Variants in CHST6 observed in about 807,000 individuals in gnomAD.
CHST6 encodes the protein carbohydrate sulfotransferase 6.
For synonymous variants in CHST6, 309 were observed against 276.4 expected, an observed-to-expected ratio of 1.12 and a Z score of -1.17; for missense variants, 698 against 586.2, an observed-to-expected ratio of 1.19 and a Z score of -1.97.
At chr16:75,488,475 GAA>G (rs1384982763) in intron 1 of CHST6, among the ~76,000 whole-genome samples, 11 of 86,484 alleles carry the variant, frequency 1.3e-4, no homozygotes, top group Admixed American at 1.3e-4. Flanking sequence ...GTCACAAGGA[GAA>G]AAAAAAAAAA....
chr16:75,479,544 C>T lies in CHST6; in HGVS notation c.285G>A (p.Leu95=). The T allele has an allele frequency of 1.2e-6, 2 of 1,613,022 alleles. No individual in the cohort carries two copies. The highest frequency in any genetic ancestry group is 1.7e-6 in the Non-Finnish European group (2 of 1,179,874). The part of the protein sequence containing the change: ...AATLHMAVRD[L]VRSVFLCDMD... ...TGTCGCACAGGAAGACGGAGCGCAC[C>T]AGGTCGCGCACAGCCATGTGCAGCG... Residue 95 remains leucine, a synonymous_variant, in exon 3 of 3, where the codon CTG becomes CTA. Coordinates refer to ENST00000332272, the MANE Select transcript of CHST6 (RefSeq NM_021615.5).
chr16:75,482,569 A>G (rs755762678), intron 1 of CHST6, among the ~76,000 whole-genome samples: 4 of 152,254 alleles, frequency 2.6e-5, no homozygotes, highest in Admixed American at 6.5e-5. Flanking sequence ...AATGTCACAC[A>G]TGTCTCACAG....
intron 1 of CHST6, among the ~76,000 whole-genome samples, chr16:75,492,958 G>C (rs2080271746): frequency 1.3e-5 from 2 of 152,128 alleles, no homozygotes; most frequent in Admixed American, 1.3e-4. Context: ...AGATACCCTA[G>C]AGGTAATCAG....
At chr16:75,485,868 A>G (rs1182353751) in intron 1 of CHST6, among the ~76,000 whole-genome samples, 1 of 152,168 alleles carries the variant, frequency 6.6e-6, no homozygotes, top group African/African-American at 2.4e-5. Context: ...CGGGAGGGTC[A>G]TGCTGGTCCT....
At chr16:75,494,172 T>G (rs998001521) in intron 1 of CHST6, among the ~76,000 whole-genome samples, 5 of 152,142 alleles carry the variant, frequency 3.3e-5, no homozygotes, top group African/African-American at 4.8e-5. Context: ...GAAGCCGGAT[T>G]GGGTTCAAAT....
At chr16:75,490,452 T>C (rs11860163) in intron 1 of CHST6, among the ~76,000 whole-genome samples, 11,616 of 152,096 alleles carry the variant, frequency 0.076, 1,496 homozygotes, top group African/African-American at 0.27. Context: ...CACTCCAGCC[T>C]GGGCAACAAG....
intron 1 of CHST6, among the ~76,000 whole-genome samples, chr16:75,489,662 G>C (rs2080236366): frequency 6.6e-6 from 1 of 151,986 alleles, no homozygotes; most frequent in African/African-American, 2.4e-5. Context: ...TCACAGATGG[G>C]AGAAAACAGT....
At chr16:75,483,112 T>C (rs943169203) in intron 1 of CHST6, among the ~76,000 whole-genome samples, 8 of 152,202 alleles carry the variant, frequency 5.3e-5, no homozygotes, top group Non-Finnish European at 8.8e-5. Context: ...GGCACGATGA[T>C]GTCAATTTTT....
intron 1 of CHST6, among the ~76,000 whole-genome samples, chr16:75,488,650 G>A (rs900408402): frequency 6.6e-6 from 1 of 151,886 alleles, no homozygotes; most frequent in Non-Finnish European, 1.5e-5. Flanking sequence ...GAAGAGAGAA[G>A]AAAACAGAAA....
intron 1 of CHST6, among the ~76,000 whole-genome samples, chr16:75,485,948 T>C (rs1369243021): frequency 5.3e-5 from 8 of 152,220 alleles, no homozygotes; most frequent in Non-Finnish European, 7.3e-5. Flanking sequence ...TCTTGTACAG[T>C]TGCCCCCAGA....
chr16:75,487,741 G>A (rs1350273019), intron 1 of CHST6, among the ~76,000 whole-genome samples: 1 of 149,048 alleles, frequency 6.7e-6, no homozygotes, highest in East Asian at 2.0e-4. Flanking sequence ...AGAGCTTGCA[G>A]TGAGCTGAGA....
At chr16:75,490,039 G>T (rs1476476332) in intron 1 of CHST6, among the ~76,000 whole-genome samples, 1 of 150,910 alleles carries the variant, frequency 6.6e-6, no homozygotes, top group Non-Finnish European at 1.5e-5. Flanking sequence ...CTAGCCAGGC[G>T]TGGTGGCAGG....
Position 75,473,523 on chromosome 16 carries a change from A to C in CHST6, c.*5118T>G, listed in dbSNP as rs2080036748. On this transcript the variant is annotated 3_prime_UTR_variant, in exon 3 of 3. Coordinates refer to ENST00000332272, the MANE Select transcript of CHST6 (RefSeq NM_021615.5). ...TCAGACTATGCCTTTTTCACATAAA[A>C]AATGATTTTCAGCTGAAGGCAATTA... The C allele has an allele frequency of 6.6e-6, 1 of 152,208 alleles. No homozygotes were observed. Among genetic ancestry groups the C allele is most frequent in the Non-Finnish European group, 1.5e-5 (1 of 68,036 alleles). 9.4% of individuals were successfully genotyped at this position (152,208 alleles called of 1,614,324 possible).
At position 75,478,653 on chromosome 16, in the gene CHST6, G is replaced by A; in HGVS notation, c.1176C>T (p.His392=). Residue 392 remains histidine, a synonymous_variant, in exon 3 of 3, where the codon CAC becomes CAT. Transcript: ENST00000332272. The part of the protein sequence containing the change: ...GFTWASSTAS[H]PRN ...ACTGTGGCCTCCACTAATTTCGGGG[G>A]TGCGAGGCGGTGGATGATGCCCAAG... 1 of 1,613,672 alleles carries A rather than the reference G, an allele frequency of 6.2e-7. No individual in the cohort carries two copies. Among genetic ancestry groups the A allele is most frequent in the Non-Finnish European group, 8.5e-7 (1 of 1,179,986 alleles).
Position 75,479,721 on chromosome 16 carries a change from G to C in CHST6, c.108C>G (p.Gly36=). The C allele has an allele frequency of 6.2e-7, 1 of 1,607,718 alleles. No individual in the cohort carries two copies. ...VSRPGPSSPA[G]GEARVHVLVL... The stretch of plus-strand genomic sequence containing the variant: ...CCAGCACATGCACGCGCGCCTCGCC[G>C]CCTGCTGGGGACGAGGGCCCTGGCC... The change falls in exon 3 of 3, where the codon GGC becomes GGG. Residue 36 remains glycine, a synonymous_variant. Coordinates refer to ENST00000332272, the MANE Select transcript of CHST6 (RefSeq NM_021615.5).
chr16:75,493,516 C>CAAAA, intron 1 of CHST6, among the ~76,000 whole-genome samples: 1 of 104,372 alleles, frequency 9.6e-6, no homozygotes, highest in African/African-American at 3.2e-5. Flanking sequence ...GACTCCGTAT[C>CAAAA]AAAAAAAAAA....
At position 75,477,591 on chromosome 16, in the gene CHST6, G is replaced by A. The variant is rs1241383820; in HGVS notation, c.*1050C>T. ...TGAGCTCTTCTTTTAAACATGTACT[G>A]GGCACTTATAGGCTCTCATTTCCTG... On this transcript the variant is annotated 3_prime_UTR_variant, in exon 3 of 3. Coordinates refer to ENST00000332272, the MANE Select transcript of CHST6 (RefSeq NM_021615.5). The A allele has an allele frequency of 6.6e-6, 1 of 152,176 alleles. No individual in the cohort carries two copies. Among genetic ancestry groups the A allele is most frequent in the Non-Finnish European group, 1.5e-5 (1 of 68,068 alleles). 9.4% of individuals were successfully genotyped at this position (152,176 alleles called of 1,614,324 possible). A position where few individuals can be genotyped will look rare whatever the true frequency, so the allele number is the denominator to read the frequency against.
Position 75,479,330 on chromosome 16 carries a change from A to G in CHST6, c.499T>C (p.Ser167Pro). Residue 167 changes from serine (S) to proline (P), a missense_variant, in exon 3 of 3, where the codon TCC (serine) becomes CCC (proline). Physicochemically the swap from Ser to Pro is moderately conservative, Grantham distance 74 (BLOSUM62 -1). Transcript: ENST00000332272. ...SFTLAREACRSYSHVVLKEVR... is the reference protein window; with the variant it reads ...SFTLAREACRPYSHVVLKEVR... ...TCCTTGAGCACCACGTGGCTGTAGG[A>G]GCGGCAGGCCTCCCGGGCCAGGGTG... The G allele has an allele frequency of 1.9e-6, 3 of 1,612,996 alleles. No individual in the cohort carries two copies. In the South Asian group the frequency reaches 3.3e-5, roughly 18 times the overall value.
At chr16:75,481,751 G>A (rs1237035214) in intron 2 of CHST6, 66 bp downstream of exon 2, 2 of 463,934 alleles carry the variant, frequency 4.3e-6, no homozygotes, top group Non-Finnish European at 8.7e-6. Flanking sequence ...AGGCGGAGCT[G>A]GGATGGAGCC....
Sources: allele counts gnomAD v4.1 joint callset (sites outside exome capture counted in the v4.1 genomes callset), GRCh38; gene constraint gnomAD v4.1.1; transcripts MANE v1.5; gene names NCBI Gene and HGNC (gene_info 2026-07-23, HGNC 2026-07-21).